CCDC141: variants seen among roughly 807,000 people sequenced by gnomAD.
CCDC141 encodes the protein coiled-coil domain-containing protein 141.
Under a neutral mutation model 181.0 loss-of-function variants are expected in CCDC141, and 168 were observed. The ratio of observed to expected loss-of-function variants is 0.93; its 90% confidence interval spans 0.82 to 1.05. CCDC141 has a LOEUF of 1.05. Ranked by LOEUF, CCDC141 falls within the 50% of genes least tolerant of loss-of-function variation. CCDC141 has a pLI of 0.00. For synonymous variants in CCDC141, 666 were observed against 642.3 expected, an observed-to-expected ratio of 1.04 and a Z score of -0.56; for missense variants, 1,902 against 1,788.5, an observed-to-expected ratio of 1.06 and a Z score of -1.14.
At chr2:178,964,344 A>C (rs1043102334) in intron 4 of CCDC141, among the ~76,000 whole-genome samples, 11 of 152,214 alleles carry the variant, frequency 7.2e-5, no homozygotes, top group Non-Finnish European at 1.3e-4. Context: ...TCCTCTAACT[A>C]ACTCTTACAC....
intron 6 of CCDC141, among the ~76,000 whole-genome samples, chr2:178,921,510 T>C (rs556330456): frequency 1.3e-5 from 2 of 152,344 alleles, no homozygotes; most frequent in African/African-American, 4.8e-5. Context: ...AACAGTCTTA[T>C]GAGATGAAAC....
At chr2:178,826,341 G>A (rs1230389582), downstream of CCDC141, among the ~76,000 whole-genome samples, 1 of 151,986 alleles carries the variant, frequency 6.6e-6, no homozygotes, top group Non-Finnish European at 1.5e-5. Context: ...GTTGTGTTGA[G>A]GATTTTTGTA....
Position 178,865,862 on chromosome 2 carries a change from C to A in CCDC141, c.2629G>T (p.Glu877Ter). 6.2e-7 allele frequency: 1 copy of A among 1,604,568 alleles called. No individual in the cohort carries two copies. Among genetic ancestry groups the A allele is most frequent in the Non-Finnish European group, 8.5e-7 (1 of 1,175,104 alleles). The stretch of plus-strand genomic sequence containing the variant: ...TTGGCACGCCACTTCATGCTGTCCT[C>A]CTCAAGGAGCTCCAGCTGCTGCTGT... The part of the protein sequence containing the change: ...NLQQQLELLE[E>*]DSMKWRAKAE... Residue 877 changes from glutamate to a stop codon, truncating the protein, a stop_gained, in exon 17 of 24, where the codon GAG becomes TAG. Coordinates refer to ENST00000443758, the MANE Select transcript of CCDC141 (RefSeq NM_173648.4). LOFTEE classifies it high-confidence loss of function.
intron 12 of CCDC141, among the ~76,000 whole-genome samples, chr2:178,872,728 G>T (rs997122017): frequency 6.6e-6 from 1 of 152,180 alleles, no homozygotes; most frequent in African/African-American, 2.4e-5. Flanking sequence ...CATAGGAGGG[G>T]ACGGATTGTT....
intron 4 of CCDC141, among the ~76,000 whole-genome samples, chr2:178,973,271 G>A (rs374026933): frequency 6.6e-5 from 10 of 152,246 alleles, no homozygotes; most frequent in African/African-American, 2.2e-4. Context: ...CTGGGAACAA[G>A]TATCCTGACC....
chr2:179,028,232 C>T (rs1410149001), intron 2 of CCDC141, among the ~76,000 whole-genome samples: 1 of 152,168 alleles, frequency 6.6e-6, no homozygotes, highest in Non-Finnish European at 1.5e-5. Context: ...TCACTGCTTC[C>T]CTTCCTTCCA....
At chr2:178,873,187 A>AAG (rs1686196241) in intron 12 of CCDC141, 1 of 152,174 alleles carries the variant, frequency 6.6e-6, no homozygotes, top group Non-Finnish European at 1.5e-5. Flanking sequence ...ATAAATACTT[A>AAG]ACAGGATATT....
intron 23 of CCDC141, chr2:178,836,194 G>C (rs1000641329): frequency 5.3e-5 from 8 of 152,326 alleles, no homozygotes; most frequent in Admixed American, 2.0e-4. Flanking sequence ...GTTACCAATA[G>C]TAGGTGATCC....
At position 178,850,157 on chromosome 2, in the gene CCDC141, C is replaced by T. The variant is rs942015931; in HGVS notation, c.3249G>A (p.Leu1083=). The change falls in exon 21 of 24, where the codon TTG becomes TTA. Residue 1083 remains leucine, a synonymous_variant. Coordinates refer to ENST00000443758, the MANE Select transcript of CCDC141 (RefSeq NM_173648.4). ...ATDLAQHLYG[L]EEGQKYIEKI... is the part of the protein sequence containing the mutation. ...TCTCAATATATTTCTGTCCTTCTTC[C>T]AAACCTGGGGAGGAGAAGGATGAAA... 6.4e-7 allele frequency: 1 copy of T among 1,562,888 alleles called. No homozygotes were observed. Among genetic ancestry groups the T allele is most frequent in the Non-Finnish European group, 8.8e-7 (1 of 1,137,324 alleles).
At position 178,856,381 on chromosome 2, in the gene CCDC141, T is replaced by C. The variant is rs1575134967; in HGVS notation, c.2741A>G (p.Lys914Arg). The change falls in exon 18 of 24, where the codon AAA becomes AGA. Residue 914 changes from lysine to arginine, a missense_variant. By Grantham distance (26) the Lys-to-Arg change is conservative. Transcript: ENST00000443758. ...DEINELKDSF[K>R]DIKKKFNNLK... ...ATTATTGAATTTCTTTTTGATATCTTTGAATGAGTCTTTGAGCTGTAGTTC... is the reference window on the plus strand; with the variant it reads ...ATTATTGAATTTCTTTTTGATATCTCTGAATGAGTCTTTGAGCTGTAGTTC... 1 of 1,592,976 alleles carries C rather than the reference T, an allele frequency of 6.3e-7. No individual in the cohort carries two copies. The highest frequency in any genetic ancestry group is 1.1e-5 in the South Asian group (1 of 89,274).
At chr2:178,927,244 A>G (rs1688941520) in intron 6 of CCDC141, among the ~76,000 whole-genome samples, 1 of 152,168 alleles carries the variant, frequency 6.6e-6, no homozygotes. Context: ...GCTGCAAATG[A>G]TACTGGGATG....
intron 6 of CCDC141, among the ~76,000 whole-genome samples, chr2:178,942,550 A>T (rs1204913450): frequency 1.3e-5 from 2 of 152,222 alleles, no homozygotes; most frequent in Non-Finnish European, 2.9e-5. Flanking sequence ...CAGCAAGAAT[A>T]ATCTGTATAA....
rs184025326 is a variant in CCDC141, at chr2:179,015,002, C to A, written c.225+32282G>T. Among the ~76,000 whole-genome samples, 1,015 of 141,376 alleles carry A rather than the reference C, an allele frequency of 7.2e-3. 8 individuals are homozygous for A. The highest frequency in any genetic ancestry group is 9.7e-3 in the Non-Finnish European group (638 of 65,962). 92.7% of individuals were successfully genotyped at this position (141,376 alleles called of 152,430 possible). On this transcript the variant is annotated intron_variant, in intron 2 of 23. Coordinates refer to ENST00000443758, the MANE Select transcript of CCDC141 (RefSeq NM_173648.4). The stretch of plus-strand genomic sequence containing the variant: ...TTTATAGCAGCACAATTCACAGTTG[C>A]AAAATCATGGAACAAACCCAAATGC...
chr2:178,835,520 C>T (rs1684442190), intron 23 of CCDC141, among the ~76,000 whole-genome samples: 1 of 152,198 alleles, frequency 6.6e-6, no homozygotes, highest in East Asian at 1.9e-4. Context: ...TTTCTGTTCC[C>T]ATTGCCTAAG....
intron 6 of CCDC141, among the ~76,000 whole-genome samples, chr2:178,923,718 T>G (rs1688807777): frequency 6.6e-6 from 1 of 152,186 alleles, no homozygotes; most frequent in Non-Finnish European, 1.5e-5. Context: ...CCTGTGTGTT[T>G]CCAGGTTTGT....
At chr2:178,942,464 GTAAAAAGA>G (rs1443311971) in intron 6 of CCDC141, among the ~76,000 whole-genome samples, 7 of 152,170 alleles carry the variant, frequency 4.6e-5, no homozygotes, top group African/African-American at 1.4e-4. Flanking sequence ...TATGAAGACA[GTAAAAAGA>G]TCAGTGGTTG....
chr2:178,972,554 A>G (rs998340840), intron 4 of CCDC141, among the ~76,000 whole-genome samples: 3 of 152,176 alleles, frequency 2.0e-5, no homozygotes, highest in Non-Finnish European at 4.4e-5. Flanking sequence ...GAAAATGGCC[A>G]CGTACTCCCC....
intron 5 of CCDC141, among the ~76,000 whole-genome samples, chr2:178,951,809 T>C (rs561547330): frequency 1.3e-5 from 2 of 152,280 alleles, no homozygotes; most frequent in East Asian, 3.9e-4. Context: ...TGTCATACAA[T>C]GTGCATGAGG....
At chr2:179,005,873 G>C (rs1037618168) in intron 2 of CCDC141, among the ~76,000 whole-genome samples, 2 of 152,188 alleles carry the variant, frequency 1.3e-5, no homozygotes, top group Non-Finnish European at 2.9e-5. Context: ...GCCTCCCAAA[G>C]TGCTGGGATT....
Sources: gnomAD v4.1 joint callset for allele counts (sites outside exome capture counted in the v4.1 genomes callset) on GRCh38, gnomAD v4.1.1 for gene constraint, MANE v1.5 for transcripts, NCBI Gene and HGNC (gene_info 2026-07-23, HGNC 2026-07-21) for gene names.